The following AGAP4 variants were observed in gnomAD, a reference collection of about 807,000 sequenced individuals.
AGAP4 encodes the protein arf-GAP with GTPase, ANK repeat and PH domain-containing protein 4.
AGAP4 carries 13 observed loss-of-function variants against 60.7 expected under a neutral mutation model. The ratio of observed to expected loss-of-function variants is 0.21; its 90% CI spans 0.14 to 0.34. The LOEUF (loss-of-function observed/expected upper bound fraction) is 0.34. AGAP4 is among the 10% of genes least tolerant of loss of function. The pLI, the probability that AGAP4 is intolerant of heterozygous loss-of-function variation, is 1.00. For missense variants in AGAP4, 169 were observed against 884.0 expected, an observed-to-expected ratio of 0.19 and a Z score of 10.26; for synonymous variants, 70 against 339.0, an observed-to-expected ratio of 0.21 and a Z score of 8.72.
exon 1 of AGAP4, chr10:45,853,808 T>C: frequency 7.8e-7 from 1 of 1,286,910 alleles, no homozygotes; most frequent in South Asian, 1.2e-5. Flanking sequence ...GATCTTGTCT[T>C]TGCTGGTTTT....
At chr10:45,838,439 T>A (rs2058859959) in intron 4 of AGAP4, among the ~76,000 whole-genome samples, 1 of 151,298 alleles carries the variant, frequency 6.6e-6, no homozygotes. Flanking sequence ...CAGAAACCTA[T>A]GGAAATAATA....
At chr10:45,842,606 A>T (rs1362237844) in intron 3 of AGAP4, among the ~76,000 whole-genome samples, 67 of 149,154 alleles carry the variant, frequency 4.5e-4, no homozygotes, top group African/African-American at 1.7e-3. Context: ...AGCACAAAAA[A>T]TCATTTTTTT....
chr10:45,838,478 T>C (rs1590028858), intron 4 of AGAP4, among the ~76,000 whole-genome samples: 1 of 150,968 alleles, frequency 6.6e-6, no homozygotes, highest in Non-Finnish European at 1.5e-5. Context: ...AGCATTTTTC[T>C]CAGCAAACAT....
At chr10:45,842,685 G>A (rs1451909687) in intron 3 of AGAP4, among the ~76,000 whole-genome samples, 4 of 143,296 alleles carry the variant, frequency 2.8e-5, no homozygotes, top group Admixed American at 6.8e-5. Context: ...TTCCTACACT[G>A]CCTCTGCCTT....
Position 45,834,964 on chromosome 10 carries a change from G to A in AGAP4, c.397-848C>T, listed in dbSNP as rs1193542438. On this transcript the variant is annotated intron_variant, in intron 4 of 7. Transcript: ENST00000616763. Reference sequence around the variant, plus strand: ...AACTTTTTGTGTTTTTAGTAGAGACGGGGTTTCACCGTGTTAGCCAGGATG... The same window carrying A: ...AACTTTTTGTGTTTTTAGTAGAGACAGGGTTTCACCGTGTTAGCCAGGATG... 1.5e-3 allele frequency among the ~76,000 whole-genome samples: 213 copies of A among 146,450 alleles called. 4 individuals are homozygous for A. The highest frequency in any genetic ancestry group is 4.4e-3 in the South Asian group (21 of 4,742).
chr10:45,826,652 T>G lies in AGAP4; in HGVS notation c.1324A>C (p.Ile442Leu), dbSNP rs782791788. 1 of 1,382,080 alleles carries G rather than the reference T, an allele frequency of 7.2e-7. No homozygotes were observed. Among genetic ancestry groups the G allele is most frequent in the Non-Finnish European group, 9.8e-7 (1 of 1,018,558 alleles). The allele number at this position is 1,382,080 out of a possible 1,614,324, so 85.6% of individuals were successfully genotyped here. A position where few individuals can be genotyped will look rare whatever the true frequency, so the allele number is the denominator to read the frequency against. The change falls in exon 8 of 8, where the codon ATC becomes CTC. Residue 442 changes from isoleucine to leucine, a missense_variant. Physicochemically the swap from Ile to Leu is conservative, Grantham distance 5. Coordinates refer to ENST00000616763, the MANE Select transcript of AGAP4 (RefSeq NM_001276343.3). Reference sequence around the variant, plus strand: ...TCGCATGACTGCAGGCTGGCCAGGATCTGGCTCTGGATGGCTTGGACCCAG... The same window carrying G: ...TCGCATGACTGCAGGCTGGCCAGGAGCTGGCTCTGGATGGCTTGGACCCAG... ...DAWVQAIQSQ[I>L]LASLQSCESS...
In AGAP4 at chr10:45,826,881, C is replaced by T; in HGVS notation, c.1095G>A (p.Lys365=). The change falls in exon 8 of 8, where the codon AAG becomes AAA. Residue 365 remains lysine, a synonymous_variant. Transcript: ENST00000616763. ...ISTSKSNGLS[K]DMDTGLGDSI... ...AGTCACCCAGCCCGGTGTCCATGTC[C>T]TTGGATAGGCCATTGCTTTTAGAGG... 7.8e-7 allele frequency: 1 copy of T among 1,274,728 alleles called. No homozygotes were observed. Among genetic ancestry groups the T allele is most frequent in the Non-Finnish European group, 1.1e-6 (1 of 923,388 alleles). 79.0% of individuals were successfully genotyped at this position (1,274,728 alleles called of 1,614,324 possible). A position where few individuals can be genotyped will look rare whatever the true frequency, so the allele number is the denominator to read the frequency against.
upstream of AGAP4, chr10:45,847,741 TG>T (rs1191295565): frequency 8.4e-7 from 1 of 1,191,812 alleles, no homozygotes; most frequent in African/African-American, 1.6e-5. Context: ...AGCCCAGGCA[TG>T]TGGCACACAA....
At chr10:45,850,992 T>C (rs1338569638), upstream of AGAP4, among the ~76,000 whole-genome samples, 1 of 152,056 alleles carries the variant, frequency 6.6e-6, no homozygotes, top group Non-Finnish European at 1.5e-5. Flanking sequence ...AAAATTTACA[T>C]GCTAAAAAAT....
chr10:45,846,477 G>C (rs1445519495), intron 2 of AGAP4, among the ~76,000 whole-genome samples: 1 of 151,810 alleles, frequency 6.6e-6, no homozygotes, highest in East Asian at 1.9e-4. Flanking sequence ...ACTGTCTTGA[G>C]ATTTGGCTAC....
At chr10:45,841,183 A>T (rs1267256297) in intron 4 of AGAP4, among the ~76,000 whole-genome samples, 1 of 103,644 alleles carries the variant, frequency 9.6e-6, no homozygotes, top group Non-Finnish European at 2.0e-5. Flanking sequence ...GCTCACTGCA[A>T]CCTCCGCCTC....
At position 45,830,233 on chromosome 10, in the gene AGAP4, C is replaced by T. The variant is rs1490005555; in HGVS notation, c.533+1161G>A. 4.8e-5 allele frequency among the ~76,000 whole-genome samples: 7 copies of T among 146,458 alleles called. 1 individual carries two copies. Among genetic ancestry groups the T allele is most frequent in the African/African-American group, 7.5e-5 (3 of 39,792 alleles). ...TGTCACCCAGGCTGGGGTGCAATGGCGAGATCTCGGCTCACTGCAACCTCC... is the reference window on the plus strand; with the variant it reads ...TGTCACCCAGGCTGGGGTGCAATGGTGAGATCTCGGCTCACTGCAACCTCC... On this transcript the variant is annotated intron_variant, in intron 6 of 7. Coordinates refer to ENST00000616763, the MANE Select transcript of AGAP4 (RefSeq NM_001276343.3).
At chr10:45,848,540 A>C (rs1217383664), upstream of AGAP4, among the ~76,000 whole-genome samples, 2 of 151,514 alleles carry the variant, frequency 1.3e-5, no homozygotes, top group Non-Finnish European at 2.9e-5. Context: ...TAACCCTCAG[A>C]AACAATCTCA....
chr10:45,835,010 C>A (rs1225434464), intron 4 of AGAP4, among the ~76,000 whole-genome samples: 1 of 146,330 alleles, frequency 6.8e-6, no homozygotes, highest in Non-Finnish European at 1.5e-5. Flanking sequence ...CCTCACCTCG[C>A]GATCTGCCTG....
intron 5 of AGAP4, among the ~76,000 whole-genome samples, chr10:45,831,985 C>T (rs1554897199): frequency 1.4e-5 from 2 of 143,144 alleles, no homozygotes; most frequent in South Asian, 2.4e-4. Context: ...TCTCGGCTCA[C>T]CACAACCTCT....
intron 3 of AGAP4, among the ~76,000 whole-genome samples, chr10:45,841,933 A>G (rs1409855445): frequency 6.6e-6 from 1 of 151,724 alleles, no homozygotes; most frequent in Non-Finnish European, 1.5e-5. Flanking sequence ...ATCCTCATGT[A>G]CAAAAGAAAA....
intron 3 of AGAP4, among the ~76,000 whole-genome samples, chr10:45,842,328 GCCTC>G (rs2058932346): frequency 6.7e-6 from 1 of 150,208 alleles, no homozygotes; most frequent in East Asian, 2.0e-4. Flanking sequence ...TGCAACCTCT[GCCTC>G]CCAGGTTCAA....
At position 45,826,926 on chromosome 10, in the gene AGAP4, C is replaced by T. The variant is rs781896310; in HGVS notation, c.1050G>A (p.Ser350=). 8.1e-6 allele frequency: 11 copies of T among 1,364,420 alleles called. 3 individuals carry two copies. The highest frequency in any genetic ancestry group is 5.6e-5 in the African/African-American group (3 of 53,468). 84.5% of individuals were successfully genotyped at this position (1,364,420 alleles called of 1,614,324 possible). A position where few individuals can be genotyped will look rare whatever the true frequency, so the allele number is the denominator to read the frequency against. ...TAGAGGTGGAGATGGGTGTGCAGGC[C>T]GATGTGGCTAGGGATGGCCACTTTC... is the stretch of plus-strand genomic sequence containing the variant. ...VPGKWPSLAT[S]ACTPISTSKS... Residue 350 remains serine (S), a synonymous_variant, in exon 8 of 8, where the codon TCG becomes TCA. Transcript: ENST00000616763.
At chr10:45,851,772 G>A (rs2059086362), upstream of AGAP4, among the ~76,000 whole-genome samples, 1 of 151,938 alleles carries the variant, frequency 6.6e-6, no homozygotes, top group Non-Finnish European at 1.5e-5. Context: ...AAAGGCACAG[G>A]TGCCTGCAAT....
Sources: allele counts gnomAD v4.1 joint callset (sites outside exome capture counted in the v4.1 genomes callset), GRCh38; gene constraint gnomAD v4.1.1; transcripts MANE v1.5; gene names NCBI Gene and HGNC (gene_info 2026-07-23, HGNC 2026-07-21).